The following EEF1AKMT1 variants were observed in gnomAD, a reference collection of about 807,000 sequenced individuals.
EEF1AKMT1 encodes the protein N-6 adenine-specific DNA methyltransferase 2 (putative).
A neutral mutation model predicts 21.0 loss-of-function variants in EEF1AKMT1; 18 were observed. That is an observed-to-expected ratio of 0.86 (90% CI 0.59 to 1.27). The LOEUF is 1.27. Ranked by LOEUF, EEF1AKMT1 falls within the 50% of genes most tolerant of loss-of-function variation. The pLI is 0.00. For missense variants in EEF1AKMT1, 246 were observed against 258.6 expected (o/e 0.95, Z 0.33); for synonymous variants, 109 against 94.8 (o/e 1.15, Z -0.87).
chr13:20,744,471 T>C (rs1276940860), intron 2 of EEF1AKMT1, among the ~76,000 whole-genome samples: 1 of 152,260 alleles, frequency 6.6e-6, no homozygotes, highest in Non-Finnish European at 1.5e-5. Flanking sequence ...ATCAGTCACA[T>C]AAATGTCTTC....
At chr13:20,737,162 G>A (rs1190200593) in intron 3 of EEF1AKMT1, among the ~76,000 whole-genome samples, 2 of 151,978 alleles carry the variant, frequency 1.3e-5, no homozygotes, top group African/African-American at 2.4e-5. Flanking sequence ...TCAGGAGTTC[G>A]AGACCAGCCT....
intron 2 of EEF1AKMT1, among the ~76,000 whole-genome samples, chr13:20,751,693 T>C (rs1231056829): frequency 3.3e-5 from 5 of 151,290 alleles, no homozygotes; most frequent in African/African-American, 9.7e-5. Context: ...CTGTGAAAAA[T>C]GACATTAGTA....
chr13:20,752,816 T>G (rs1193743101), intron 2 of EEF1AKMT1, among the ~76,000 whole-genome samples: 1 of 152,096 alleles, frequency 6.6e-6, no homozygotes, highest in Non-Finnish European at 1.5e-5. Context: ...TGATTTTATT[T>G]ATTTTTGTCT....
intron 2 of EEF1AKMT1, among the ~76,000 whole-genome samples, chr13:20,738,718 A>T (rs1429769264): frequency 6.6e-6 from 1 of 152,264 alleles, no homozygotes; most frequent in African/African-American, 2.4e-5. Flanking sequence ...TGAACGAAAG[A>T]AATCAGACAC....
chr13:20,730,896 A>G (rs545570960), intron 4 of EEF1AKMT1, among the ~76,000 whole-genome samples: 60 of 152,300 alleles, frequency 3.9e-4, no homozygotes, highest in African/African-American at 1.4e-3. Context: ...TCTTCATAAT[A>G]AAGCTTGCTG....
intron 2 of EEF1AKMT1, among the ~76,000 whole-genome samples, chr13:20,741,305 A>G (rs1413481152): frequency 6.6e-6 from 1 of 151,934 alleles, no homozygotes; most frequent in Non-Finnish European, 1.5e-5. Flanking sequence ...ACAGACTCTC[A>G]TCTTTGCTCC....
At chr13:20,731,134 C>A (rs545426743) in intron 4 of EEF1AKMT1, among the ~76,000 whole-genome samples, 1 of 152,250 alleles carries the variant, frequency 6.6e-6, no homozygotes, top group South Asian at 2.1e-4. Flanking sequence ...ACACCACCTC[C>A]ATCTCCCAAA....
intron 3 of EEF1AKMT1, among the ~76,000 whole-genome samples, chr13:20,736,199 G>T (rs1195642034): frequency 1.3e-5 from 2 of 152,124 alleles, no homozygotes; most frequent in Non-Finnish European, 2.9e-5. Flanking sequence ...CTTGCTGTGG[G>T]CATGGTTAGA....
Position 20,729,092 on chromosome 13 carries a change from G to A in EEF1AKMT1, c.633C>T (p.Asp211=), listed in dbSNP as rs2058776051. 1 of 1,614,062 alleles carries A rather than the reference G, an allele frequency of 6.2e-7. No homozygotes were observed. The highest frequency in any genetic ancestry group is 8.5e-7 in the Non-Finnish European group (1 of 1,180,038). Residue 211 remains aspartate (D), a synonymous_variant, in exon 5 of 5, where the codon GAC becomes GAT. Transcript: ENST00000382758. ...TCACCGTCTGTAATCAGATCCCACA[G>A]TCCAGCCCAGAATCATAATTCACAT... is the stretch of plus-strand genomic sequence containing the variant. ...RCYVNYDSGL[D]CGI
Position 20,764,066 on chromosome 13 carries a change from CATT to C in EEF1AKMT1, c.-19-6452_-19-6450del, listed in dbSNP as rs373412511. 8.4e-3 allele frequency among the ~76,000 whole-genome samples: 1,274 copies of C among 152,242 alleles called. 22 individuals carry two copies. The highest frequency in any genetic ancestry group is 0.029 in the African/African-American group (1,222 of 41,556). Reference sequence around the variant, plus strand: ...TCTTTTAAAAAATAAGTTTTTGCATCATTGACTTTATTTTCAATTTCATTGATT... The same window carrying C: ...TCTTTTAAAAAATAAGTTTTTGCATCGACTTTATTTTCAATTTCATTGATT... On this transcript the variant is annotated intron_variant, in intron 1 of 4. Transcript: ENST00000382758.
chr13:20,771,095 C>A (rs570059322), intron 1 of EEF1AKMT1, among the ~76,000 whole-genome samples: 1 of 152,188 alleles, frequency 6.6e-6, no homozygotes, highest in Non-Finnish European at 1.5e-5. Context: ...TGGTCCTGAA[C>A]TCCTCGATTC....
chr13:20,767,305 C>CA (rs61703956), intron 1 of EEF1AKMT1, among the ~76,000 whole-genome samples: 12,605 of 39,914 alleles, frequency 0.32, 2,359 homozygotes, highest in East Asian at 0.79. Flanking sequence ...GATTCTGTCT[C>CA]AAAAAAAAAA....
At chr13:20,761,739 T>A (rs796113761) in intron 1 of EEF1AKMT1, among the ~76,000 whole-genome samples, 58 of 152,332 alleles carry the variant, frequency 3.8e-4, no homozygotes, top group African/African-American at 1.3e-3. Flanking sequence ...CTCTTTGCAG[T>A]CATGTAGTTG....
chr13:20,756,940 C>T (rs1400103768), intron 2 of EEF1AKMT1, among the ~76,000 whole-genome samples: 2 of 152,188 alleles, frequency 1.3e-5, no homozygotes, highest in South Asian at 4.1e-4. Context: ...AAACCTGCAT[C>T]CCGTCTCTGC....
chr13:20,728,799 C>G lies in EEF1AKMT1; in HGVS notation c.*281G>C. 1 of 424,474 alleles carries G rather than the reference C, an allele frequency of 2.4e-6. No individual in the cohort carries two copies. Among genetic ancestry groups the G allele is most frequent in the South Asian group, 2.4e-5 (1 of 42,250 alleles). 26.3% of individuals were successfully genotyped at this position (424,474 alleles called of 1,614,324 possible). Reference sequence around the variant, plus strand: ...CCCTTGGGCAAGCCACACAACTGTTCTTCTGTTTTTACACATGTTAAATGA... The same window carrying G: ...CCCTTGGGCAAGCCACACAACTGTTGTTCTGTTTTTACACATGTTAAATGA... On this transcript the variant is annotated 3_prime_UTR_variant, in exon 5 of 5. Coordinates refer to ENST00000382758, the MANE Select transcript of EEF1AKMT1 (RefSeq NM_001318939.2).
intron 4 of EEF1AKMT1, among the ~76,000 whole-genome samples, chr13:20,731,432 G>T (rs965271361): frequency 6.6e-6 from 1 of 152,172 alleles, no homozygotes; most frequent in Non-Finnish European, 1.5e-5. Flanking sequence ...TAACGATCTC[G>T]CCAGTAAGAA....
intron 2 of EEF1AKMT1, among the ~76,000 whole-genome samples, chr13:20,739,114 G>C (rs867609492): frequency 2.6e-5 from 4 of 152,120 alleles, no homozygotes; most frequent in African/African-American, 4.8e-5. Flanking sequence ...TTCGCCAAGA[G>C]GATTACAACT....
intron 4 of EEF1AKMT1, among the ~76,000 whole-genome samples, chr13:20,729,487 TACACAC>T (rs71198993): frequency 1.3e-4 from 19 of 150,694 alleles, no homozygotes; most frequent in African/African-American, 4.1e-4. Context: ...AAGCAGATTA[TACACAC>T]ACACACACAC....
At chr13:20,742,886 G>A (rs1038816661) in intron 2 of EEF1AKMT1, among the ~76,000 whole-genome samples, 1 of 152,108 alleles carries the variant, frequency 6.6e-6, no homozygotes, top group African/African-American at 2.4e-5. Context: ...TTGCTCTCAT[G>A]CATGAGACAA....
Sources: gnomAD v4.1 joint callset for allele counts (sites outside exome capture counted in the v4.1 genomes callset) on GRCh38, gnomAD v4.1.1 for gene constraint, MANE v1.5 for transcripts, NCBI Gene and HGNC (gene_info 2026-07-23, HGNC 2026-07-21) for gene names.